The following COL20A1 variants were observed in gnomAD, a reference collection of about 807,000 sequenced individuals.
COL20A1 encodes the protein collagen alpha-1(XX) chain.
COL20A1 carries 164 observed loss-of-function variants against 152.9 expected under a neutral mutation model. The observed-to-expected ratio is 1.07, with a 90% CI of 0.94 to 1.22. The LOEUF (loss-of-function observed/expected upper bound fraction) is 1.22. Among genes scored for constraint, COL20A1 ranks in the 50% most tolerant of loss-of-function variants. The pLI is 0.00. For missense variants in COL20A1, 1,873 were observed against 1,744.8 expected (o/e 1.07, Z -1.31); for synonymous variants, 864 against 756.0 (o/e 1.14, Z -2.34).
At chr20:63,294,032 G>A (rs555574385) in intron 1 of COL20A1, among the ~76,000 whole-genome samples, 4 of 141,690 alleles carry the variant, frequency 2.8e-5, no homozygotes, top group Non-Finnish European at 4.6e-5. Context: ...GTAGGGGCCC[G>A]GCCTGCCGGG....
chr20:63,327,855 T>G, intron 31 of COL20A1, 97 bp from the exon 32 acceptor site: 2 of 1,261,524 alleles, frequency 1.6e-6, no homozygotes, highest in East Asian at 2.5e-5. Flanking sequence ...GCTATCAGGC[T>G]GCCTGAGTGA....
In COL20A1 at chr20:63,328,185, CCTGT is replaced by C. The variant is rs371329134; in HGVS notation, c.3613+64_3613+67del. 2.7e-5 allele frequency: 43 copies of C among 1,596,926 alleles called. 1 individual carries two copies. The highest frequency in any genetic ancestry group is 2.0e-4 in the African/African-American group (15 of 74,670). On this transcript the variant is annotated intron_variant, in intron 33 of 35. Coordinates refer to ENST00000358894, the MANE Select transcript of COL20A1 (RefSeq NM_020882.4). Reference sequence around the variant, plus strand: ...CAGCCCTGCACCTGTGCCTACCACACCTGTCTGTCCTCACACTGGCCAGGCCGAG... The same window carrying C: ...CAGCCCTGCACCTGTGCCTACCACACCTGTCCTCACACTGGCCAGGCCGAG...
Position 63,308,668 on chromosome 20 carries a change from G to T in COL20A1, c.902G>T (p.Arg301Leu). Residue 301 changes from arginine (R) to leucine (L), a missense_variant, in exon 8 of 36, where the codon CGT becomes CTT. Transcript: ENST00000358894. ...KSQDDVHTAARVLKDLGVNVF... is the reference protein window; with the variant it reads ...KSQDDVHTAALVLKDLGVNVF... Reference sequence around the variant, plus strand: ...CAGGACGATGTGCACACTGCTGCCCGTGTCCTCAAGGACCTGGGCGTGAAC... The same window carrying T: ...CAGGACGATGTGCACACTGCTGCCCTTGTCCTCAAGGACCTGGGCGTGAAC... The T allele has an allele frequency of 6.2e-7, 1 of 1,606,872 alleles. No individual in the cohort carries two copies.
chr20:63,310,065 C>T (rs1446417157), intron 10 of COL20A1, 150 bp downstream of exon 10: 1 of 816,184 alleles, frequency 1.2e-6, no homozygotes, highest in Admixed American at 3.0e-5. Context: ...CAGGGACTCA[C>T]TGGGGAGCTG....
chr20:63,328,960 C>T (rs1017059802), intron 34 of COL20A1, among the ~76,000 whole-genome samples: 2 of 152,162 alleles, frequency 1.3e-5, no homozygotes, highest in East Asian at 1.9e-4. Context: ...GAGGCAGCAG[C>T]GGTGGGTCAT....
intron 14 of COL20A1, 102 bp downstream of exon 14, chr20:63,312,157 C>A: frequency 7.4e-7 from 1 of 1,342,626 alleles, no homozygotes; most frequent in Non-Finnish European, 9.9e-7. Flanking sequence ...ACATTCAAAA[C>A]CACAGCGGCC....
At chr20:63,318,333 T>C (rs564001427) in intron 21 of COL20A1, among the ~76,000 whole-genome samples, 149 of 152,236 alleles carry the variant, frequency 9.8e-4, no homozygotes, top group African/African-American at 3.3e-3. Flanking sequence ...TGGCTGGGCA[T>C]CCTAAGAGTG....
chr20:63,316,686 G>A lies in COL20A1; in HGVS notation c.2658G>A (p.Arg886=). Residue 886 remains arginine, a synonymous_variant, in exon 21 of 36, where the codon CGG becomes CGA. Transcript: ENST00000358894. ...TCAAGGACGCCCAGCTGACAAGACG[G>A]GTCAGGTGTGAGGGCAAGGGCTGGG... ...TLFKDAQLTR[R]VSDVYPAPLP... 3 of 1,559,746 alleles carry A rather than the reference G, an allele frequency of 1.9e-6. No individual in the cohort carries two copies. Among genetic ancestry groups the A allele is most frequent in the South Asian group, 1.2e-5 (1 of 84,606 alleles).
rs1568769824 is a variant in COL20A1 at position 63,307,514 on chromosome 20, CCCCCGTGCCTGCT to C, written c.522_534del (p.Pro175ThrfsTer40). ...GCCGGCCCCCAGTTCCGCTGCCTGCCCCCCGTGCCTGCTGACATGGTCTTCCTGGTGGACGGGT... is the reference window on the plus strand; with the variant it reads ...GCCGGCCCCCAGTTCCGCTGCCTGCCGACATGGTCTTCCTGGTGGACGGGT... On this transcript the variant is annotated frameshift_variant, in exon 6 of 36. Transcript: ENST00000358894. LOFTEE classifies it high-confidence loss of function. 1 of 1,612,296 alleles carries C rather than the reference CCCCCGTGCCTGCT, an allele frequency of 6.2e-7. No homozygotes were observed. The highest frequency in any genetic ancestry group is 1.7e-5 in the Admixed American group (1 of 59,998).
intron 26 of COL20A1, 84 bp from the exon 27 acceptor site, chr20:63,321,974 A>T: frequency 8.8e-7 from 1 of 1,138,282 alleles, no homozygotes; most frequent in Non-Finnish European, 1.2e-6. Flanking sequence ...AGGGTGGGCC[A>T]GGCATGGGGC....
intron 34 of COL20A1, among the ~76,000 whole-genome samples, chr20:63,328,891 C>CT (rs2068294694): frequency 6.6e-6 from 1 of 151,770 alleles, no homozygotes; most frequent in African/African-American, 2.4e-5. Flanking sequence ...TCCTCCGCCT[C>CT]TCCCCACCCA....
rs757413749 is a variant in COL20A1 at position 63,313,212 on chromosome 20, G to A, written c.2172G>A (p.Gly724=). ...CCATCTTGGCCTACTACAGGGACGG[G>A]GCCCGCAGTGACCCTGTGTCCCTCC... ...DVTILAYYRD[G]ARSDPVSLRY... The change falls in exon 17 of 36, where the codon GGG becomes GGA. Residue 724 remains glycine (G), a synonymous_variant. Transcript: ENST00000358894. This position sits in a 1 kb window ranked among gnomAD's most constrained non-coding sequence, Gnocchi z 5.9. The A allele has an allele frequency of 3.7e-6, 6 of 1,612,386 alleles. No individual in the cohort carries two copies. The highest frequency in any genetic ancestry group is 4.2e-6 in the Non-Finnish European group (5 of 1,179,640).
rs1276477085 is a variant in COL20A1 at position 63,307,510 on chromosome 20, C to T, written c.517C>T (p.Leu173=). The T allele has an allele frequency of 6.2e-7, 1 of 1,612,058 alleles. No individual in the cohort carries two copies. The highest frequency in any genetic ancestry group is 8.5e-7 in the Non-Finnish European group (1 of 1,179,560). The change falls in exon 6 of 36, where the codon CTG becomes TTG. Residue 173 remains leucine (L), a synonymous_variant. Coordinates refer to ENST00000358894, the MANE Select transcript of COL20A1 (RefSeq NM_020882.4). The stretch of plus-strand genomic sequence containing the variant: ...CCCAGCCGGCCCCCAGTTCCGCTGC[C>T]TGCCCCCCGTGCCTGCTGACATGGT... ...RTPAGPQFRC[L]PPVPADMVFL... is the part of the protein sequence containing the mutation.
chr20:63,322,005 C>T (rs2068171309), intron 26 of COL20A1, 53 bp from the exon 27 acceptor site: 1 of 1,460,684 alleles, frequency 6.8e-7, no homozygotes, highest in South Asian at 1.3e-5. Context: ...GTCTTTGCTC[C>T]TCTACCTTGG....
chr20:63,320,257 G>A (rs1333356234), intron 24 of COL20A1, 34 bp from the exon 25 acceptor site: 2 of 1,606,262 alleles, frequency 1.2e-6, no homozygotes. Context: ...GCCTCTCTGA[G>A]CCCCGGGGCT....
In COL20A1 at chr20:63,328,491, G is replaced by A. The variant is rs1473711899; in HGVS notation, c.3774G>A (p.Glu1258=). The part of the protein sequence containing the change: ...GEWGRGGRHL[E]GRGEPGAVGQ... ...GGGGGCGTGGTGGCCGCCACCTTGAGGGCAGAGGTACTGGGCTCCTGGCTC... is the reference window on the plus strand; with the variant it reads ...GGGGGCGTGGTGGCCGCCACCTTGAAGGCAGAGGTACTGGGCTCCTGGCTC... The change falls in exon 34 of 36, where the codon GAG becomes GAA. Residue 1258 remains glutamate, a synonymous_variant. Coordinates refer to ENST00000358894, the MANE Select transcript of COL20A1 (RefSeq NM_020882.4). 6.8e-6 allele frequency: 11 copies of A among 1,610,702 alleles called. No individual in the cohort carries two copies. The highest frequency in any genetic ancestry group is 9.3e-6 in the Non-Finnish European group (11 of 1,178,740).
intron 27 of COL20A1, among the ~76,000 whole-genome samples, chr20:63,322,382 C>T (rs1348269026): frequency 2.0e-5 from 3 of 152,178 alleles, no homozygotes; most frequent in Non-Finnish European, 4.4e-5. Flanking sequence ...AGGATGAACC[C>T]CATGGCCCAG....
rs1440981745 is a variant in COL20A1 at position 63,321,004 on chromosome 20, T to G, written c.3154-9T>G. 1.3e-6 allele frequency: 2 copies of G among 1,562,892 alleles called. No individual in the cohort carries two copies. Among genetic ancestry groups the G allele is most frequent in the African/African-American group, 2.7e-5 (2 of 73,460 alleles). ...GTCTCTCTAATGGGCAGGGTCTCTC[T>G]TCTTCCAGAGGGATGGAGAGACCTG... is the stretch of plus-strand genomic sequence containing the variant. On this transcript the variant is annotated splice_polypyrimidine_tract_variant and intron_variant, in intron 25 of 35. Coordinates refer to ENST00000358894, the MANE Select transcript of COL20A1 (RefSeq NM_020882.4).
intron 27 of COL20A1, 184 bp from the exon 28 acceptor site, chr20:63,325,257 C>T (rs746394602): frequency 1.4e-6 from 1 of 708,080 alleles, no homozygotes; most frequent in South Asian, 1.5e-5. Flanking sequence ...TACCCGCTGC[C>T]TGTGTCTCCA....
Sources: allele counts gnomAD v4.1 joint callset (sites outside exome capture counted in the v4.1 genomes callset), GRCh38; gene constraint gnomAD v4.1.1; non-coding constraint Gnocchi (gnomAD v3.1); transcripts MANE v1.5; gene names NCBI Gene and HGNC (gene_info 2026-07-23, HGNC 2026-07-21).